The following COL25A1 variants were observed in gnomAD, a reference collection of about 807,000 sequenced individuals.
The protein encoded by COL25A1 is collagen type XXV alpha 1 chain, also known as collagen alpha-1(XXV) chain.
COL25A1 carries 103 observed loss-of-function variants against 128.4 expected under a neutral mutation model. That is an observed-to-expected ratio of 0.80 (90% confidence interval 0.68 to 0.94). The LOEUF (loss-of-function observed/expected upper bound fraction) is 0.94, where lower values mean the gene tolerates loss of function less well. Ranked by LOEUF, COL25A1 falls within the 40% of genes least tolerant of loss-of-function variation. The probability of loss-of-function intolerance (pLI) is 0.00; values close to 1 mark genes in which losing one functional copy is unlikely to be tolerated. For missense variants in COL25A1, 745 were observed against 840.0 expected, an observed-to-expected ratio of 0.89 and a Z score of 1.40; for synonymous variants, 279 against 277.2, an observed-to-expected ratio of 1.01 and a Z score of -0.06.
At chr4:108,956,534 T>C (rs1351549134) in intron 8 of COL25A1, among the ~76,000 whole-genome samples, 1 of 152,166 alleles carries the variant, frequency 6.6e-6, no homozygotes, top group Non-Finnish European at 1.5e-5. Context: ...GCCTCCCGAG[T>C]AGCTGGGATT....
intron 3 of COL25A1, among the ~76,000 whole-genome samples, chr4:109,172,564 T>C (rs1244218003): frequency 6.6e-6 from 1 of 152,230 alleles, no homozygotes; most frequent in African/African-American, 2.4e-5. Flanking sequence ...ATAATCCATC[T>C]TGATTATAAT....
intron 6 of COL25A1, among the ~76,000 whole-genome samples, chr4:109,009,898 T>C (rs1311704685): frequency 6.6e-6 from 1 of 152,256 alleles, no homozygotes; most frequent in Non-Finnish European, 1.5e-5. Flanking sequence ...TTATAAATCA[T>C]GTCTTCGGCA....
At chr4:108,839,543 T>C (rs111868690) in intron 31 of COL25A1, among the ~76,000 whole-genome samples, 620 of 152,286 alleles carry the variant, frequency 4.1e-3, no homozygotes, top group Middle Eastern at 0.01. Flanking sequence ...GTGTGTGCAC[T>C]TTCAGCACGT....
chr4:109,158,255 T>C (rs1036982776), intron 3 of COL25A1, among the ~76,000 whole-genome samples: 2 of 152,090 alleles, frequency 1.3e-5, no homozygotes, highest in African/African-American at 4.8e-5. Context: ...CAGGGGGATA[T>C]CTTTGTTATA....
At chr4:108,906,050 C>T (rs1743474925) in intron 13 of COL25A1, among the ~76,000 whole-genome samples, 1 of 152,122 alleles carries the variant, frequency 6.6e-6, no homozygotes, top group African/African-American at 2.4e-5. Context: ...TTGCCACCCA[C>T]CAGCTTCCAA....
chr4:109,005,994 C>T (rs1050755563), intron 6 of COL25A1, among the ~76,000 whole-genome samples: 2 of 151,486 alleles, frequency 1.3e-5, no homozygotes, highest in African/African-American at 2.4e-5. Context: ...AAAGGGTTGA[C>T]ATTTTAAGAA....
intron 3 of COL25A1, among the ~76,000 whole-genome samples, chr4:109,094,227 A>AACC (rs1765202854): frequency 6.6e-6 from 1 of 152,218 alleles, no homozygotes; most frequent in Non-Finnish European, 1.5e-5. Context: ...AACCCATCCA[A>AACC]ACCACAGGCA....
chr4:109,188,040 T>A (rs1402280339), intron 3 of COL25A1, among the ~76,000 whole-genome samples: 1 of 152,116 alleles, frequency 6.6e-6, no homozygotes, highest in Admixed American at 6.5e-5. Context: ...GACAAGAACA[T>A]GGAAGAATTT....
At chr4:108,965,219 T>A (rs1419842389) in intron 8 of COL25A1, among the ~76,000 whole-genome samples, 1 of 152,174 alleles carries the variant, frequency 6.6e-6, no homozygotes, top group Non-Finnish European at 1.5e-5. Context: ...TCGAATACAC[T>A]AGGAGGAGAA....
At chr4:108,834,910 G>A in intron 31 of COL25A1, among the ~76,000 whole-genome samples, 1 of 152,192 alleles carries the variant, frequency 6.6e-6, no homozygotes, top group African/African-American at 2.4e-5. Context: ...ATGTTAGGAT[G>A]ACTCTTAGTG....
chr4:109,233,904 T>C (rs1231864475), intron 3 of COL25A1, among the ~76,000 whole-genome samples: 2 of 152,124 alleles, frequency 1.3e-5, no homozygotes, highest in Non-Finnish European at 2.9e-5. Flanking sequence ...TCATAGCTAC[T>C]GCTTCCAAAC....
At chr4:108,852,120 CTGT>C (rs1242300672) in intron 26 of COL25A1, 113 bp downstream of exon 26, 12 of 782,248 alleles carry the variant, frequency 1.5e-5, no homozygotes, top group Admixed American at 1.5e-4. Context: ...TAAAACAATA[CTGT>C]TGATCTCAGC....
intron 32 of COL25A1, 103 bp downstream of exon 32, chr4:108,832,277 T>C (rs1733214832): frequency 1.3e-6 from 1 of 754,240 alleles, no homozygotes; most frequent in South Asian, 1.9e-5. Flanking sequence ...TAATATTAGA[T>C]AGCCCTTTAT....
intron 3 of COL25A1, among the ~76,000 whole-genome samples, chr4:109,246,851 T>C (rs1780299143): frequency 6.6e-6 from 1 of 152,200 alleles, no homozygotes; most frequent in East Asian, 1.9e-4. Context: ...GAGTCCTATC[T>C]TCAAGCTTAC....
At position 109,190,726 on chromosome 4, in the gene COL25A1, A is replaced by G. The variant is rs537025856; in HGVS notation, c.367+109857T>C. 5.8e-4 allele frequency among the ~76,000 whole-genome samples: 89 copies of G among 152,344 alleles called. 1 individual carries two copies. The highest frequency in any genetic ancestry group is 3.4e-3 in the Middle Eastern group (1 of 294). On this transcript the variant is annotated intron_variant, in intron 3 of 37. Coordinates refer to ENST00000399132, the MANE Select transcript of COL25A1 (RefSeq NM_198721.4). ...CAGTGGATGGATGCAATAAGAACTG[A>G]TCAGTTACACAGAAGAGGCTAAATA...
intron 12 of COL25A1, among the ~76,000 whole-genome samples, chr4:108,919,896 G>A (rs1452808482): frequency 6.6e-6 from 1 of 152,074 alleles, no homozygotes; most frequent in African/African-American, 2.4e-5. Context: ...TTGAGTAGCT[G>A]GGACTACAGG....
intron 3 of COL25A1, among the ~76,000 whole-genome samples, chr4:109,119,453 A>G (rs1767912454): frequency 6.6e-6 from 1 of 152,032 alleles, no homozygotes; most frequent in Non-Finnish European, 1.5e-5. Context: ...CCTCTAGAGA[A>G]CACACAAATT....
intron 3 of COL25A1, among the ~76,000 whole-genome samples, chr4:109,074,464 C>G (rs998761221): frequency 6.6e-6 from 1 of 152,274 alleles, no homozygotes; most frequent in Admixed American, 6.5e-5. Flanking sequence ...TTAAAAATTC[C>G]CATTGTCGTA....
chr4:108,937,368 G>A (rs866958279), intron 11 of COL25A1, among the ~76,000 whole-genome samples: 3 of 151,826 alleles, frequency 2.0e-5, no homozygotes, highest in African/African-American at 7.3e-5. Context: ...GAACCAAAAG[G>A]CACAACGATT....
Sources: allele counts gnomAD v4.1 joint callset (sites outside exome capture counted in the v4.1 genomes callset), GRCh38; gene constraint gnomAD v4.1.1; transcripts MANE v1.5; gene names NCBI Gene and HGNC (gene_info 2026-07-23, HGNC 2026-07-21).